Variants in CSMD1 observed in about 807,000 individuals in gnomAD.
The protein encoded by CSMD1 is CUB and sushi domain-containing protein 1.
A neutral mutation model predicts 417.5 loss-of-function variants in CSMD1; 213 were observed. That is an observed-to-expected ratio of 0.51 (90% CI 0.46 to 0.57). The LOEUF is 0.57. Among genes scored for constraint, CSMD1 ranks in the 20% least tolerant of loss-of-function variants. The pLI is 0.00. For synonymous variants in CSMD1, 2,862 were observed against 1,736.8 expected (o/e 1.65, Z -16.11); for missense variants, 6,923 against 4,529.7 (o/e 1.53, Z -15.17).
At chr8:4,867,777 G>A (rs139532078) in intron 1 of CSMD1, among the ~76,000 whole-genome samples, 1 of 152,074 alleles carries the variant, frequency 6.6e-6, no homozygotes, top group Non-Finnish European at 1.5e-5. Flanking sequence ...AAAGATAAGA[G>A]TGTTTTGATC....
intron 30 of CSMD1, among the ~76,000 whole-genome samples, chr8:3,210,103 T>A (rs969952491): frequency 6.6e-6 from 1 of 152,196 alleles, no homozygotes; most frequent in African/African-American, 2.4e-5. Context: ...GCAGGAACTA[T>A]CAAAAGATTT....
chr8:4,765,161 T>A (rs1366323084), intron 1 of CSMD1, among the ~76,000 whole-genome samples: 1 of 152,122 alleles, frequency 6.6e-6, no homozygotes, highest in Non-Finnish European at 1.5e-5. Context: ...AGCTCGTGAC[T>A]TTTTTTCTTT....
intron 3 of CSMD1, among the ~76,000 whole-genome samples, chr8:4,056,308 C>T (rs1032013326): frequency 3.3e-5 from 5 of 151,658 alleles, no homozygotes. Context: ...GTCTCAAACT[C>T]CTGACCTTAG....
chr8:3,674,435 A>G (rs1799262554), intron 7 of CSMD1, among the ~76,000 whole-genome samples: 1 of 152,196 alleles, frequency 6.6e-6, no homozygotes, highest in Non-Finnish European at 1.5e-5. Flanking sequence ...AATAGAAAAT[A>G]CCACCATGGC....
chr8:3,766,112 G>C (rs937063982), intron 5 of CSMD1, among the ~76,000 whole-genome samples: 2 of 152,162 alleles, frequency 1.3e-5, no homozygotes, highest in African/African-American at 2.4e-5. Flanking sequence ...AATTCGATAA[G>C]ACAGTCGAGA....
chr8:4,007,600 C>G (rs1228418845), intron 4 of CSMD1, among the ~76,000 whole-genome samples: 1 of 152,324 alleles, frequency 6.6e-6, no homozygotes, highest in Non-Finnish European at 1.5e-5. Flanking sequence ...CAATGGAATG[C>G]AAGCTTTATG....
In CSMD1 at chr8:4,182,652, C is replaced by T. The variant is rs944153370; in HGVS notation, c.416-150553G>A. ...ATATATACTCATTTTCAGGAGTGACCCCTAAAAATAGATTCACAAATTGTG... is the reference window on the plus strand; with the variant it reads ...ATATATACTCATTTTCAGGAGTGACTCCTAAAAATAGATTCACAAATTGTG... On this transcript the variant is annotated intron_variant, in intron 3 of 69. Transcript: ENST00000635120. Among the ~76,000 whole-genome samples the T allele has an allele frequency of 2.0e-5, 3 of 151,978 alleles. No individual in the cohort carries two copies. In the East Asian group the frequency reaches 5.8e-4, roughly 29 times the overall value.
At chr8:3,820,484 T>G (rs4607641) in intron 5 of CSMD1, among the ~76,000 whole-genome samples, 46,324 of 152,072 alleles carry the variant, frequency 0.3, 7,939 homozygotes, top group African/African-American at 0.45. Flanking sequence ...CCACTGGAAG[T>G]TTGTCAGGGT....
chr8:3,228,605 T>A (rs1798652845), intron 27 of CSMD1, among the ~76,000 whole-genome samples: 1 of 152,152 alleles, frequency 6.6e-6, no homozygotes, highest in Non-Finnish European at 1.5e-5. Flanking sequence ...ATAAAGTAAC[T>A]AAGAGATGAT....
At chr8:4,987,847 G>T (rs1195950019) in intron 1 of CSMD1, among the ~76,000 whole-genome samples, 3 of 152,256 alleles carry the variant, frequency 2.0e-5, no homozygotes, top group African/African-American at 7.2e-5. Flanking sequence ...GATGCTTCTT[G>T]TCCTCGAAAA....
At chr8:2,950,977 C>A in intron 66 of CSMD1, 137 bp downstream of exon 66, 2 of 733,732 alleles carry the variant, frequency 2.7e-6, no homozygotes, top group South Asian at 3.1e-5. Context: ...TAGGGAGAGG[C>A]TCCAATGAGT....
At chr8:3,870,455 T>A (rs956427301) in intron 5 of CSMD1, among the ~76,000 whole-genome samples, 5 of 152,160 alleles carry the variant, frequency 3.3e-5, no homozygotes, top group Non-Finnish European at 5.9e-5. Flanking sequence ...TGGTGGGTAT[T>A]TCTCTCAAAG....
chr8:3,475,564 G>A (rs1347767207), intron 11 of CSMD1, among the ~76,000 whole-genome samples: 1 of 152,060 alleles, frequency 6.6e-6, no homozygotes, highest in Non-Finnish European at 1.5e-5. Flanking sequence ...CTGTATTCCA[G>A]GTTCCTCATC....
rs575824731 is a variant in CSMD1, at chr8:4,550,021, G to A, written c.302+87321C>T. Among the ~76,000 whole-genome samples, 35 of 151,922 alleles carry A rather than the reference G, an allele frequency of 2.3e-4. 1 individual carries two copies. The South Asian group carries it at 6.4e-3, about 28-fold the overall frequency. ...CTGTTAATCAAGGACAAGAGTGGAG[G>A]AGAAAAGTGGCTGCAGCATTCCTTT... On this transcript the variant is annotated intron_variant, in intron 2 of 69. Coordinates refer to ENST00000635120, the MANE Select transcript of CSMD1 (RefSeq NM_033225.6).
chr8:4,247,392 T>C (rs1802778769), intron 3 of CSMD1, among the ~76,000 whole-genome samples: 2 of 152,160 alleles, frequency 1.3e-5, no homozygotes, highest in African/African-American at 4.8e-5. Context: ...GTTGTAGAAT[T>C]GGTTGCATCT....
intron 29 of CSMD1, among the ~76,000 whole-genome samples, chr8:3,218,515 C>G (rs1428225070): frequency 2.0e-5 from 3 of 147,966 alleles, no homozygotes; most frequent in African/African-American, 7.5e-5. Flanking sequence ...GAGCTGAGAT[C>G]ACACTGCAGC....
intron 8 of CSMD1, among the ~76,000 whole-genome samples, chr8:3,604,904 C>A (rs1039541859): frequency 6.6e-6 from 1 of 152,130 alleles, no homozygotes; most frequent in Admixed American, 6.5e-5. Flanking sequence ...TGGGCTTGGG[C>A]TTGTTTGACA....
intron 10 of CSMD1, among the ~76,000 whole-genome samples, chr8:3,498,118 A>C (rs1351929683): frequency 6.6e-6 from 1 of 152,130 alleles, no homozygotes; most frequent in Non-Finnish European, 1.5e-5. Context: ...CATTTTCATT[A>C]TATCACCCTG....
intron 1 of CSMD1, among the ~76,000 whole-genome samples, chr8:4,954,214 A>G (rs189435293): frequency 6.6e-6 from 1 of 152,326 alleles, no homozygotes; most frequent in Admixed American, 6.5e-5. Context: ...CCCTAACCTC[A>G]AGGAGCTCAG....
Sources: allele counts gnomAD v4.1 joint callset (sites outside exome capture counted in the v4.1 genomes callset), GRCh38; gene constraint gnomAD v4.1.1; transcripts MANE v1.5; gene names NCBI Gene and HGNC (gene_info 2026-07-23, HGNC 2026-07-21).